PDE3B: variants seen among roughly 807,000 people sequenced by gnomAD.
The protein encoded by PDE3B is phosphodiesterase 3B, also known as cGMP-inhibited 3',5'-cyclic phosphodiesterase 3B.
In PDE3B, 66 loss-of-function variants were observed where a neutral mutation model predicts 116.8. The ratio of observed to expected loss-of-function variants is 0.56; its 90% CI spans 0.46 to 0.69. The LOEUF (loss-of-function observed/expected upper bound fraction) is 0.69, where lower values mean the gene tolerates loss of function less well. Among genes scored for constraint, PDE3B ranks in the 30% least tolerant of loss-of-function variants. The probability of loss-of-function intolerance (pLI) is 0.00; values close to 1 mark genes in which losing one functional copy is unlikely to be tolerated. For synonymous variants in PDE3B, 595 were observed against 533.6 expected (o/e 1.12, Z -1.59); for missense variants, 1,384 against 1,368.1 (o/e 1.01, Z -0.18).
At chr11:14,850,062 A>G (rs1180767130) in intron 12 of PDE3B, among the ~76,000 whole-genome samples, 1 of 152,168 alleles carries the variant, frequency 6.6e-6, no homozygotes, top group Non-Finnish European at 1.5e-5. Flanking sequence ...GGCATTATTC[A>G]CAATAGCAAA....
At chr11:14,715,962 T>C (rs1435445696) in intron 1 of PDE3B, among the ~76,000 whole-genome samples, 2 of 152,096 alleles carry the variant, frequency 1.3e-5, no homozygotes, top group Non-Finnish European at 2.9e-5. Context: ...GCTCCCAGCG[T>C]GAGCGACGCA....
chr11:14,869,477 A>G lies in PDE3B; in HGVS notation c.3156A>G (p.Lys1052=). The part of the protein sequence containing the change: ...NNLNPKPPRR[K]SRRRIFCQLM... ...ATTTCACAGAACCACCAAGAAGGAA[A>G]AGCAGACGGCGAATATTTTGTCAGC... Residue 1052 remains lysine, a synonymous_variant, in exon 16 of 16, where the codon AAA becomes AAG. Coordinates refer to ENST00000282096, the MANE Select transcript of PDE3B (RefSeq NM_000922.4). The G allele has an allele frequency of 6.2e-7, 1 of 1,613,482 alleles. No individual in the cohort carries two copies. The highest frequency in any genetic ancestry group is 8.5e-7 in the Non-Finnish European group (1 of 1,179,822).
At chr11:14,840,689 A>G (rs1034792634) in intron 11 of PDE3B, among the ~76,000 whole-genome samples, 2 of 152,148 alleles carry the variant, frequency 1.3e-5, no homozygotes, top group South Asian at 2.1e-4. Flanking sequence ...GGATCACTCA[A>G]AGGTATCTTT....
chr11:14,884,587 C>T, the PDE3B span, among the ~76,000 whole-genome samples: 21 of 150,692 alleles, frequency 1.4e-4, no homozygotes, highest in South Asian at 8.4e-4. Context: ...TGCTAAATGA[C>T]GAGTTAATGG....
At chr11:14,850,083 C>T (rs1483120581) in intron 12 of PDE3B, among the ~76,000 whole-genome samples, 7 of 152,210 alleles carry the variant, frequency 4.6e-5, no homozygotes, top group Middle Eastern at 3.4e-3. Context: ...GACTTGGAAC[C>T]GACCCAAATG....
rs1056602622 is a variant in PDE3B at position 14,838,142 on chromosome 11, G to A, written c.2320+3047G>A. Among the ~76,000 whole-genome samples, 4 of 151,896 alleles carry A rather than the reference G, an allele frequency of 2.6e-5. No homozygotes were observed. The East Asian group carries it at 7.7e-4, about 29-fold the overall frequency. On this transcript the variant is annotated intron_variant, in intron 11 of 15. Transcript: ENST00000282096. ...CACAGGCGCCCTGCCACCATGGCCG[G>A]CTAATTTTTTGTATTTTTAGTGGAG... is the stretch of plus-strand genomic sequence containing the variant.
At chr11:14,724,981 G>A (rs1856239541) in intron 1 of PDE3B, among the ~76,000 whole-genome samples, 1 of 152,180 alleles carries the variant, frequency 6.6e-6, no homozygotes, top group African/African-American at 2.4e-5. Context: ...AACCTAAACT[G>A]TAGTAGAAAG....
At chr11:14,726,504 T>C (rs1856310478) in intron 1 of PDE3B, among the ~76,000 whole-genome samples, 1 of 152,176 alleles carries the variant, frequency 6.6e-6, no homozygotes, top group South Asian at 2.1e-4. Context: ...AATGGTCATT[T>C]ACACTGTAGG....
intron 1 of PDE3B, among the ~76,000 whole-genome samples, chr11:14,708,262 C>T (rs908016874): frequency 3.3e-5 from 5 of 152,038 alleles, no homozygotes; most frequent in African/African-American, 1.2e-4. Context: ...ACACTGGCTT[C>T]CCTTCACCTT....
chr11:14,649,462 C>T (rs555654192), intron 1 of PDE3B, among the ~76,000 whole-genome samples: 2 of 152,194 alleles, frequency 1.3e-5, no homozygotes, highest in African/African-American at 2.4e-5. Context: ...ATTTGGAAAA[C>T]GGGGACTAGA....
chr11:14,663,419 G>C (rs1380559273), intron 1 of PDE3B, among the ~76,000 whole-genome samples: 2 of 152,104 alleles, frequency 1.3e-5, no homozygotes, highest in Non-Finnish European at 2.9e-5. Context: ...AAAATAACCA[G>C]CTAACATCAT....
At chr11:14,815,553 A>C (rs557883161) in intron 5 of PDE3B, among the ~76,000 whole-genome samples, 1 of 152,290 alleles carries the variant, frequency 6.6e-6, no homozygotes, top group African/African-American at 2.4e-5. Context: ...GGTCTTCCTC[A>C]GTATGGCTGC....
intron 14 of PDE3B, among the ~76,000 whole-genome samples, chr11:14,866,404 CT>C (rs1240034869): frequency 2.0e-5 from 3 of 151,520 alleles, no homozygotes; most frequent in African/African-American, 7.3e-5. Context: ...CCATGCCCAA[CT>C]TTTTTTTTAT....
Position 14,866,769 on chromosome 11 carries a change from C to T in PDE3B, c.2887-737C>T, listed in dbSNP as rs539259755. ...TTAATAGTACCATTTGGAGAATGCT[C>T]AGTACTTGCTAAACACTTTATATTA... On this transcript the variant is annotated intron_variant, in intron 14 of 15. Coordinates refer to ENST00000282096, the MANE Select transcript of PDE3B (RefSeq NM_000922.4). Among the ~76,000 whole-genome samples the T allele has an allele frequency of 2.5e-4, 38 of 152,266 alleles. 1 individual carries two copies. The highest frequency in any genetic ancestry group is 8.9e-4 in the African/African-American group (37 of 41,560).
At chr11:14,866,504 T>C (rs1297436706) in intron 14 of PDE3B, among the ~76,000 whole-genome samples, 22 of 152,208 alleles carry the variant, frequency 1.4e-4, no homozygotes, top group East Asian at 3.8e-4. Context: ...ATCTGTGAAA[T>C]TACAGAGTCC....
At chr11:14,699,107 A>G (rs753757630) in intron 1 of PDE3B, 5 of 152,014 alleles carry the variant, frequency 3.3e-5, no homozygotes, top group Non-Finnish European at 7.4e-5. Context: ...GTCAAATGAA[A>G]AGTCTATCCA....
At chr11:14,837,239 C>G (rs1344873091) in intron 11 of PDE3B, among the ~76,000 whole-genome samples, 4 of 152,228 alleles carry the variant, frequency 2.6e-5, no homozygotes, top group Non-Finnish European at 5.9e-5. Flanking sequence ...GTGCAGAACA[C>G]ACTTAACTGA....
intron 9 of PDE3B, among the ~76,000 whole-genome samples, chr11:14,832,231 C>T (rs1426151362): frequency 6.6e-6 from 1 of 152,126 alleles, no homozygotes; most frequent in Non-Finnish European, 1.5e-5. Flanking sequence ...GTCCGCATAA[C>T]AGCATCAGAT....
intron 1 of PDE3B, among the ~76,000 whole-genome samples, chr11:14,658,274 T>C (rs1853775002): frequency 6.6e-6 from 1 of 152,214 alleles, no homozygotes; most frequent in South Asian, 2.1e-4. Flanking sequence ...AAAAAGGCAT[T>C]GCCTCTCTCA....
Sources: allele counts gnomAD v4.1 joint callset (sites outside exome capture counted in the v4.1 genomes callset), GRCh38; gene constraint gnomAD v4.1.1; transcripts MANE v1.5; gene names NCBI Gene and HGNC (gene_info 2026-07-23, HGNC 2026-07-21).